SLC9A8: variants seen among roughly 807,000 people sequenced by gnomAD.
SLC9A8 encodes solute carrier family 9 member A8, also known as sodium/hydrogen exchanger 8.
In SLC9A8, 48 loss-of-function variants were observed where a neutral mutation model predicts 66.6. The ratio of observed to expected loss-of-function variants is 0.72; its 90% confidence interval spans 0.57 to 0.92. The LOEUF (loss-of-function observed/expected upper bound fraction) is 0.92, where lower values mean the gene tolerates loss of function less well. SLC9A8 is among the 40% of genes least tolerant of loss of function. SLC9A8 has a pLI of 0.00. For synonymous variants in SLC9A8, 274 were observed against 282.6 expected (o/e 0.97, Z 0.31); for missense variants, 599 against 747.3 (o/e 0.80, Z 2.31).
At position 49,834,208 on chromosome 20, in the gene SLC9A8, T is replaced by TAC. The variant is rs1217049883; in HGVS notation, c.290-5332_290-5331insCA. Among the ~76,000 whole-genome samples, 272 of 115,552 alleles carry TAC rather than the reference T, an allele frequency of 2.4e-3. 2 individuals are homozygous for TAC. Among genetic ancestry groups the TAC allele is most frequent in the Non-Finnish European group, 3.8e-3 (205 of 54,394 alleles). The allele number at this position is 115,552 out of a possible 152,430, so 75.8% of individuals were successfully genotyped here. On this transcript the variant is annotated intron_variant, in intron 3 of 15. Coordinates refer to ENST00000361573, the MANE Select transcript of SLC9A8 (RefSeq NM_015266.3). ...CTCTATATATATATATATATATATATATATATACACACACACACTATGTAT... is the reference window on the plus strand; with the variant it reads ...CTCTATATATATATATATATATATATACATATATACACACACACACTATGTAT...
intron 3 of SLC9A8, among the ~76,000 whole-genome samples, chr20:49,834,145 C>G (rs1182410236): frequency 7.5e-5 from 3 of 39,794 alleles, no homozygotes. Context: ...GCTTGTCTCT[C>G]TCTCTCTCTC....
chr20:49,884,265 C>CACG lies in SLC9A8; in HGVS notation c.1491+201_1491+202insGAC, dbSNP rs1568883846. ...ACGACACACACACACACACGACACA[C>CACG]ACACACACGACACACACACACACGA... On this transcript the variant is annotated intron_variant, in intron 14 of 15. Coordinates refer to ENST00000361573, the MANE Select transcript of SLC9A8 (RefSeq NM_015266.3). 1,327 of 332,104 alleles carry CACG rather than the reference C, an allele frequency of 4.0e-3. 34 individuals are homozygous for CACG. Among genetic ancestry groups the CACG allele is most frequent in the South Asian group, 5.6e-3 (236 of 42,048 alleles). The allele number at this position is 332,104 out of a possible 1,614,324, so 20.6% of individuals were successfully genotyped here.
chr20:49,842,120 A>T (rs2087793304), intron 4 of SLC9A8, among the ~76,000 whole-genome samples: 1 of 149,416 alleles, frequency 6.7e-6, no homozygotes, highest in African/African-American at 2.5e-5. Flanking sequence ...TCCAGGCTGG[A>T]GTGCAATGGC....
chr20:49,846,918 G>A (rs2088020877), intron 5 of SLC9A8, among the ~76,000 whole-genome samples: 1 of 152,088 alleles, frequency 6.6e-6, no homozygotes, highest in African/African-American at 2.4e-5. Flanking sequence ...GGGAGACTTT[G>A]TCTCAAAAAT....
rs138296602 is a variant in SLC9A8, at chr20:49,818,029, GA to G, written c.208+2850del. ...TTAGACAATATAAAAGGCGGGCCTG[GA>G]AAAAAAAAACTTTTGTAATCACTTT... is the stretch of plus-strand genomic sequence containing the variant. On this transcript the variant is annotated intron_variant, in intron 2 of 15. Transcript: ENST00000361573. Among the ~76,000 whole-genome samples, 58 of 147,730 alleles carry G rather than the reference GA, an allele frequency of 3.9e-4. 1 individual carries two copies. Among genetic ancestry groups the G allele is most frequent in the African/African-American group, 1.1e-3 (44 of 40,320 alleles).
Position 49,886,600 on chromosome 20 carries a change from A to T in SLC9A8, c.1492-152A>T. On this transcript the variant is annotated intron_variant, in intron 14 of 15. Coordinates refer to ENST00000361573, the MANE Select transcript of SLC9A8 (RefSeq NM_015266.3). The surrounding 1 kb of genome is among the most constrained non-coding windows in gnomAD (Gnocchi z 4.8). ...CGTTCCTGCCTCCCTGCAGGCTCCC[A>T]GGAGGCCGTCTGCTGCCCGTCACCC... The T allele has an allele frequency of 5.8e-6, 5 of 860,142 alleles. No homozygotes were observed. The highest frequency in any genetic ancestry group is 8.8e-6 in the Non-Finnish European group (5 of 567,180). 53.3% of individuals were successfully genotyped at this position (860,142 alleles called of 1,614,324 possible). A position where few individuals can be genotyped will look rare whatever the true frequency, so the allele number is the denominator to read the frequency against.
At chr20:49,832,260 A>C (rs1426159014) in intron 3 of SLC9A8, among the ~76,000 whole-genome samples, 1 of 152,026 alleles carries the variant, frequency 6.6e-6, no homozygotes, top group Admixed American at 6.6e-5. Context: ...TCAGCTCTTG[A>C]TATGGAAATG....
intron 13 of SLC9A8, among the ~76,000 whole-genome samples, chr20:49,882,607 C>G (rs1002396517): frequency 1.3e-5 from 2 of 152,220 alleles, no homozygotes; most frequent in African/African-American, 4.8e-5. Context: ...GAACCCAGAC[C>G]TCCCTCTGGG....
Position 49,890,521 on chromosome 20 carries a change from C to CT in SLC9A8, c.*2588dup, listed in dbSNP as rs2090016612. On this transcript the variant is annotated 3_prime_UTR_variant, in exon 16 of 16. Coordinates refer to ENST00000361573, the MANE Select transcript of SLC9A8 (RefSeq NM_015266.3). Reference sequence around the variant, plus strand: ...CAGGGAGCGCTGGAGGAAACCAGCCCTTTAGCCAGCAGCCCCTCCACCACA... The same window carrying CT: ...CAGGGAGCGCTGGAGGAAACCAGCCCTTTTAGCCAGCAGCCCCTCCACCACA... 2.0e-5 allele frequency: 3 copies of CT among 152,196 alleles called. No homozygotes were observed. Among genetic ancestry groups the CT allele is most frequent in the African/African-American group, 7.2e-5 (3 of 41,416 alleles). 9.4% of individuals were successfully genotyped at this position (152,196 alleles called of 1,614,324 possible).
At chr20:49,830,409 G>A (rs41283576) in intron 3 of SLC9A8, 198,573 of 823,706 alleles carry the variant, frequency 0.24, 25,821 homozygotes, top group Middle Eastern at 0.29. Flanking sequence ...CATCACTTTC[G>A]CCCGTGTGTT....
chr20:49,870,848 A>G (rs2089183469), intron 10 of SLC9A8, among the ~76,000 whole-genome samples: 1 of 152,156 alleles, frequency 6.6e-6, no homozygotes, highest in South Asian at 2.1e-4. Flanking sequence ...GACTATAGGC[A>G]CGTGCTACCA....
At chr20:49,851,453 C>T (rs1217285345) in intron 7 of SLC9A8, among the ~76,000 whole-genome samples, 1 of 152,204 alleles carries the variant, frequency 6.6e-6, no homozygotes, top group Non-Finnish European at 1.5e-5. Flanking sequence ...TGAAAAAGTG[C>T]CCATGCTGAG....
intron 4 of SLC9A8, among the ~76,000 whole-genome samples, chr20:49,839,867 A>G (rs979645397): frequency 6.6e-6 from 1 of 152,068 alleles, no homozygotes; most frequent in Non-Finnish European, 1.5e-5. Context: ...AGACTAACCT[A>G]CTTTTTTAGG....
intron 3 of SLC9A8, chr20:49,829,788 C>T (rs889947200): frequency 3.5e-5 from 19 of 550,092 alleles, no homozygotes; most frequent in Admixed American, 1.4e-4. Context: ...AGGAGAGAAG[C>T]AGGCCAAACT....
chr20:49,827,528 TG>T (rs1412157600), intron 3 of SLC9A8, among the ~76,000 whole-genome samples: 1 of 149,194 alleles, frequency 6.7e-6, no homozygotes, highest in Non-Finnish European at 1.5e-5. Context: ...CACTTGAACT[TG>T]GGAGGCAGAG....
At chr20:49,884,221 CACACACACACACACACACACG>C (rs756599785) in intron 14 of SLC9A8, 155 bp downstream of exon 14, 3,288 of 288,358 alleles carry the variant, frequency 0.011, 199 homozygotes, top group East Asian at 0.021. Flanking sequence ...CACACACACA[CACACACACACACACACACACG>C]ACACACACAC....
chr20:49,815,470 C>T (rs1001484626), intron 2 of SLC9A8: 21 of 260,946 alleles, frequency 8.0e-5, no homozygotes, highest in African/African-American at 3.8e-4. Context: ...ATCTTGAGGC[C>T]TGGCGCGGTG....
chr20:49,881,642 G>A (rs765076902), intron 13 of SLC9A8, among the ~76,000 whole-genome samples: 6 of 151,902 alleles, frequency 3.9e-5, no homozygotes, highest in South Asian at 2.1e-4. Context: ...AGTATTTTCC[G>A]TGTGGGTTGG....
At chr20:49,854,917 G>T (rs560440400) in intron 7 of SLC9A8, among the ~76,000 whole-genome samples, 1 of 152,328 alleles carries the variant, frequency 6.6e-6, no homozygotes, top group African/African-American at 2.4e-5. Context: ...CCAGTTGGGA[G>T]ATGGCCTCAG....
Sources: allele counts gnomAD v4.1 joint callset (sites outside exome capture counted in the v4.1 genomes callset), GRCh38; gene constraint gnomAD v4.1.1; non-coding constraint Gnocchi (gnomAD v3.1); transcripts MANE v1.5; gene names NCBI Gene and HGNC (gene_info 2026-07-23, HGNC 2026-07-21).